The following TANC2 variants were observed in gnomAD, a reference collection of about 807,000 sequenced individuals.
The protein encoded by TANC2 is protein TANC2.
In TANC2, 26 loss-of-function variants were observed where a neutral mutation model predicts 210.5. The observed-to-expected ratio is 0.12, with a 90% confidence interval of 0.09 to 0.17. The LOEUF is 0.17. Among genes scored for constraint, TANC2 ranks in the 10% least tolerant of loss-of-function variants. The pLI is 1.00. For synonymous variants in TANC2, 931 were observed against 967.1 expected (o/e 0.96, Z 0.69); for missense variants, 2,129 against 2,608.9 (o/e 0.82, Z 4.01).
At chr17:63,055,990 A>ATATAT (rs1555769555) in intron 2 of TANC2, among the ~76,000 whole-genome samples, 3 of 10,100 alleles carry the variant, frequency 3.0e-4, no homozygotes, top group Admixed American at 1.6e-3. Flanking sequence ...AAAAAAAAAA[A>ATATAT]ATATATATAT....
chr17:63,211,798 C>A (rs1020483778), intron 7 of TANC2, among the ~76,000 whole-genome samples: 3 of 152,042 alleles, frequency 2.0e-5, no homozygotes, highest in African/African-American at 7.2e-5. Flanking sequence ...AGTAGATGCT[C>A]AATAAATGTA....
intron 17 of TANC2, chr17:63,391,064 C>T (rs2047955429): frequency 6.6e-6 from 1 of 152,160 alleles, no homozygotes; most frequent in Non-Finnish European, 1.5e-5. Flanking sequence ...ATTGTCTCCT[C>T]CTCTACACTC....
chr17:63,008,913 A>G (rs1468825478), intron 1 of TANC2, among the ~76,000 whole-genome samples: 1 of 152,096 alleles, frequency 6.6e-6, no homozygotes, highest in Non-Finnish European at 1.5e-5. Context: ...ATGGAGAGTC[A>G]AGTGAAAGGT....
At chr17:63,055,223 A>G (rs976343388) in intron 2 of TANC2, among the ~76,000 whole-genome samples, 2 of 152,160 alleles carry the variant, frequency 1.3e-5, no homozygotes, top group African/African-American at 2.4e-5. Context: ...TACTAGGACT[A>G]TGTTGGTGCC....
intron 9 of TANC2, among the ~76,000 whole-genome samples, chr17:63,283,061 G>A (rs972064644): frequency 3.3e-5 from 5 of 151,940 alleles, no homozygotes; most frequent in African/African-American, 1.2e-4. Context: ...TTTTCTCCTA[G>A]AAATTTTGTA....
chr17:63,393,429 C>T (rs1217804971), intron 17 of TANC2: 1 of 152,166 alleles, frequency 6.6e-6, no homozygotes, highest in Non-Finnish European at 1.5e-5. Context: ...CATACCAAGG[C>T]CACCGCACAA....
chr17:63,415,782 A>T (rs944570361), intron 26 of TANC2, 108 bp downstream of exon 26: 2 of 1,379,798 alleles, frequency 1.4e-6, no homozygotes, highest in Non-Finnish European at 2.0e-6. Flanking sequence ...CCCATTTGGA[A>T]CTTGGTTGTC....
chr17:63,072,184 G>T (rs1018336693), intron 2 of TANC2, among the ~76,000 whole-genome samples: 1 of 152,060 alleles, frequency 6.6e-6, no homozygotes, highest in Admixed American at 6.6e-5. Flanking sequence ...ATCCTAGAGG[G>T]TTTAAAACTT....
chr17:63,302,494 T>C (rs997570259), intron 9 of TANC2, among the ~76,000 whole-genome samples: 1 of 152,114 alleles, frequency 6.6e-6, no homozygotes, highest in Non-Finnish European at 1.5e-5. Flanking sequence ...GGATAGCTCT[T>C]ATTGTTGAAC....
In TANC2 at chr17:63,184,900, G is replaced by A. The variant is rs533140974; in HGVS notation, c.434-9091G>A. Among the ~76,000 whole-genome samples the A allele has an allele frequency of 6.9e-4, 105 of 151,812 alleles. 2 individuals are homozygous for A. Among genetic ancestry groups the A allele is most frequent in the Admixed American group, 6.9e-3 (105 of 15,250 alleles). On this transcript the variant is annotated intron_variant, in intron 5 of 27. Coordinates refer to ENST00000689528, the Ensembl canonical transcript of TANC2. ...CCCCACCTCGGCCTCCCAAAGTGCTGGGATTACAGGTGTGAGCCACTGCAC... is the reference window on the plus strand; with the variant it reads ...CCCCACCTCGGCCTCCCAAAGTGCTAGGATTACAGGTGTGAGCCACTGCAC...
At chr17:63,244,722 G>C (rs2042868873) in intron 8 of TANC2, among the ~76,000 whole-genome samples, 1 of 152,172 alleles carries the variant, frequency 6.6e-6, no homozygotes, top group South Asian at 2.1e-4. Context: ...TATTGTCTCT[G>C]ATATGATTTG....
chr17:63,281,479 A>T (rs144572013), intron 9 of TANC2, among the ~76,000 whole-genome samples: 1,675 of 152,220 alleles, frequency 0.011, 29 homozygotes, highest in African/African-American at 0.038. Context: ...AAACACCCAG[A>T]AGCTGAAAGA....
At chr17:63,364,447 C>G (rs2047053045) in intron 14 of TANC2, among the ~76,000 whole-genome samples, 1 of 152,052 alleles carries the variant, frequency 6.6e-6, no homozygotes, top group African/African-American at 2.4e-5. Flanking sequence ...ACTACTTATT[C>G]TGTCATAAAA....
intron 1 of TANC2, among the ~76,000 whole-genome samples, chr17:62,994,809 A>G (rs1002704031): frequency 1.5e-4 from 23 of 152,190 alleles, no homozygotes; most frequent in African/African-American, 5.6e-4. Flanking sequence ...TAGAATCTGG[A>G]GTACTGCCAT....
chr17:63,402,215 A>G (rs1321061488), intron 19 of TANC2, among the ~76,000 whole-genome samples: 2 of 151,948 alleles, frequency 1.3e-5, no homozygotes, highest in African/African-American at 4.8e-5. Context: ...CACACCTTCC[A>G]TGCCTGTAAA....
intron 7 of TANC2, among the ~76,000 whole-genome samples, chr17:63,213,114 C>A (rs1457728311): frequency 1.3e-5 from 2 of 152,126 alleles, no homozygotes; most frequent in African/African-American, 4.8e-5. Flanking sequence ...AATAGTGAAA[C>A]CCATTACTAC....
At chr17:63,029,310 A>C (rs2034673638) in intron 2 of TANC2, among the ~76,000 whole-genome samples, 1 of 152,156 alleles carries the variant, frequency 6.6e-6, no homozygotes, top group Non-Finnish European at 1.5e-5. Flanking sequence ...ATTATTGTAA[A>C]GCTGCTTAGC....
intron 4 of TANC2, among the ~76,000 whole-genome samples, chr17:63,136,337 A>G (rs181058269): frequency 3.0e-4 from 45 of 152,294 alleles, no homozygotes; most frequent in Non-Finnish European, 2.9e-5. Context: ...GTGGCACAAC[A>G]TAATTGCATG....
chr17:63,039,538 G>C (rs566360473), intron 2 of TANC2, among the ~76,000 whole-genome samples: 1 of 152,276 alleles, frequency 6.6e-6, no homozygotes, highest in African/African-American at 2.4e-5. Context: ...CACTGACTCT[G>C]CTGACTCCAG....
Sources: gnomAD v4.1 joint callset for allele counts (sites outside exome capture counted in the v4.1 genomes callset) on GRCh38, gnomAD v4.1.1 for gene constraint, MANE v1.5 for transcripts, NCBI Gene and HGNC (gene_info 2026-07-23, HGNC 2026-07-21) for gene names.